The following CUL2 variants were observed in gnomAD, a reference collection of about 807,000 sequenced individuals.
The protein encoded by CUL2 is cullin 2.
Under a neutral mutation model 110.2 loss-of-function variants are expected in CUL2, and 22 were observed. The observed-to-expected ratio is 0.20, with a 90% CI of 0.14 to 0.28. The LOEUF is 0.28. Ranked by LOEUF, CUL2 falls within the 10% of genes least tolerant of loss-of-function variation. CUL2 has a pLI of 1.00. For missense variants in CUL2, 631 were observed against 905.5 expected, an observed-to-expected ratio of 0.70 and a Z score of 3.89; for synonymous variants, 279 against 293.2, an observed-to-expected ratio of 0.95 and a Z score of 0.49.
At chr10:35,054,175 TTC>T (rs1274915184) in intron 5 of CUL2, among the ~76,000 whole-genome samples, 9 of 152,212 alleles carry the variant, frequency 5.9e-5, no homozygotes, top group Non-Finnish European at 1.0e-4. Context: ...TTATAATTGT[TTC>T]TGAGTTTTTT....
chr10:35,067,788 A>G (rs1165727274), intron 2 of CUL2, among the ~76,000 whole-genome samples: 1 of 151,818 alleles, frequency 6.6e-6, no homozygotes, highest in African/African-American at 2.4e-5. Flanking sequence ...CTATTTATAT[A>G]AAGTCCAAGA....
chr10:35,029,699 TTAATAA>T (rs975689761), intron 14 of CUL2, 59 bp from the exon 15 acceptor site: 2 of 1,283,516 alleles, frequency 1.6e-6, no homozygotes, highest in Non-Finnish European at 2.1e-6. Flanking sequence ...GTCATATTGG[TTAATAA>T]TAATGTGTCG....
chr10:35,105,338 A>C (rs2087439924), intron 1 of CUL2, among the ~76,000 whole-genome samples: 1 of 151,570 alleles, frequency 6.6e-6, no homozygotes, highest in Non-Finnish European at 1.5e-5. Flanking sequence ...AGGCAGGAGA[A>C]TGGCGTGAAC....
chr10:35,074,700 G>A (rs2086768801), intron 1 of CUL2, among the ~76,000 whole-genome samples: 1 of 152,174 alleles, frequency 6.6e-6, no homozygotes, highest in African/African-American at 2.4e-5. Context: ...TGGCCAGGCT[G>A]GTCTCGAACT....
chr10:35,091,545 AC>A (rs1156766568), upstream of CUL2, among the ~76,000 whole-genome samples: 2 of 151,748 alleles, frequency 1.3e-5, no homozygotes, highest in Non-Finnish European at 2.9e-5. Context: ...TGGTCCCCAG[AC>A]CTCTGGAAAT....
chr10:35,045,274 G>A (rs1242597901), intron 6 of CUL2, among the ~76,000 whole-genome samples: 1 of 152,158 alleles, frequency 6.6e-6, no homozygotes, highest in African/African-American at 2.4e-5. Flanking sequence ...TAGGTGAAAT[G>A]TTAGCTTTTC....
chr10:35,112,355 A>G (rs543255956), intron 1 of CUL2, among the ~76,000 whole-genome samples: 1 of 152,308 alleles, frequency 6.6e-6, no homozygotes, highest in Admixed American at 6.5e-5. Flanking sequence ...CAGGACTGTG[A>G]TCCCCGAGCA....
intron 2 of CUL2, among the ~76,000 whole-genome samples, chr10:35,097,698 C>T (rs372022621): frequency 2.6e-5 from 4 of 152,056 alleles, no homozygotes; most frequent in South Asian, 2.1e-4. Context: ...CAGTGGCTCA[C>T]GCCTGCAATT....
chr10:35,113,322 C>A (rs1168863737), intron 1 of CUL2, among the ~76,000 whole-genome samples: 1 of 150,538 alleles, frequency 6.6e-6, no homozygotes, highest in East Asian at 2.0e-4. Context: ...ATGGTGAAAT[C>A]CTGTCTCTAC....
At chr10:35,076,183 A>G (rs1425380283) in intron 1 of CUL2, among the ~76,000 whole-genome samples, 2 of 152,120 alleles carry the variant, frequency 1.3e-5, no homozygotes, top group Non-Finnish European at 2.9e-5. Flanking sequence ...AAATAGCCAC[A>G]TAACGTATGA....
chr10:35,103,329 T>A (rs2087411117), intron 1 of CUL2, among the ~76,000 whole-genome samples: 1 of 81,882 alleles, frequency 1.2e-5, no homozygotes, highest in African/African-American at 3.8e-5. Flanking sequence ...TTTTTTTTTT[T>A]TTTATTTTTT....
At chr10:35,099,885 T>A (rs941524662) in intron 2 of CUL2, among the ~76,000 whole-genome samples, 1 of 152,174 alleles carries the variant, frequency 6.6e-6, no homozygotes, top group Non-Finnish European at 1.5e-5. Flanking sequence ...AATGGACTTT[T>A]ATTAACCTTA....
intron 1 of CUL2, among the ~76,000 whole-genome samples, chr10:35,108,671 G>A (rs2087493334): frequency 6.6e-6 from 1 of 152,082 alleles, no homozygotes; most frequent in Non-Finnish European, 1.5e-5. Context: ...GAGTGGCTTA[G>A]CTGAATAGTT....
At chr10:35,017,566 T>C (rs2085068066) in intron 17 of CUL2, among the ~76,000 whole-genome samples, 1 of 152,008 alleles carries the variant, frequency 6.6e-6, no homozygotes, top group African/African-American at 2.4e-5. Flanking sequence ...TGATGGCATA[T>C]GCCTGTAAAC....
intron 2 of CUL2, among the ~76,000 whole-genome samples, chr10:35,066,157 A>G (rs2086519345): frequency 6.6e-6 from 1 of 152,212 alleles, no homozygotes; most frequent in Non-Finnish European, 1.5e-5. Context: ...TATGAACTCT[A>G]TTATGCCATG....
At chr10:35,034,049 C>A (rs1230369771) in intron 10 of CUL2, among the ~76,000 whole-genome samples, 2 of 152,220 alleles carry the variant, frequency 1.3e-5, no homozygotes, top group African/African-American at 4.8e-5. Context: ...TCCCTCACAT[C>A]TCAGAGAGAA....
intron 1 of CUL2, among the ~76,000 whole-genome samples, chr10:35,085,778 A>G (rs1010107707): frequency 6.6e-6 from 1 of 152,090 alleles, no homozygotes; most frequent in Non-Finnish European, 1.5e-5. Flanking sequence ...CAGAATACAC[A>G]AAGAACAGGC....
intron 14 of CUL2, among the ~76,000 whole-genome samples, chr10:35,030,341 C>G (rs1396036333): frequency 6.6e-6 from 1 of 152,166 alleles, no homozygotes; most frequent in Admixed American, 6.5e-5. Flanking sequence ...ATCTGAATCT[C>G]TAATCTTGAA....
chr10:35,030,561 T>C (rs2085455188), intron 14 of CUL2, among the ~76,000 whole-genome samples: 1 of 152,116 alleles, frequency 6.6e-6, no homozygotes, highest in African/African-American at 2.4e-5. Context: ...TTTTGTATTT[T>C]TGGTAGAGAC....
Sources: allele counts gnomAD v4.1 joint callset (sites outside exome capture counted in the v4.1 genomes callset), GRCh38; gene constraint gnomAD v4.1.1; transcripts MANE v1.5; gene names NCBI Gene and HGNC (gene_info 2026-07-23, HGNC 2026-07-21).